The following THEMIS variants were observed in gnomAD, a reference collection of about 807,000 sequenced individuals.
THEMIS encodes protein THEMIS.
A neutral mutation model predicts 52.6 loss-of-function variants in THEMIS; 37 were observed. The observed-to-expected ratio is 0.70, with a 90% CI of 0.54 to 0.93. THEMIS has a LOEUF of 0.93. Among genes scored for constraint, THEMIS ranks in the 40% least tolerant of loss-of-function variants. The pLI, the probability that THEMIS is intolerant of heterozygous loss-of-function variation, is 0.00. For synonymous variants in THEMIS, 292 were observed against 272.7 expected, an observed-to-expected ratio of 1.07 and a Z score of -0.70; for missense variants, 808 against 763.1, an observed-to-expected ratio of 1.06 and a Z score of -0.69.
At chr6:127,834,113 T>C (rs1778792340) in intron 2 of THEMIS, among the ~76,000 whole-genome samples, 1 of 151,898 alleles carries the variant, frequency 6.6e-6, no homozygotes, top group East Asian at 1.9e-4. Flanking sequence ...AAATAAGCAA[T>C]GTGGGGGAAG....
chr6:127,881,371 T>G (rs187686515), intron 1 of THEMIS, among the ~76,000 whole-genome samples: 278 of 152,112 alleles, frequency 1.8e-3, no homozygotes, highest in Non-Finnish European at 3.0e-3. Context: ...AAAAATAAAA[T>G]TTTACTTAAT....
At chr6:127,811,066 C>A (rs1012507714) in intron 4 of THEMIS, among the ~76,000 whole-genome samples, 13 of 151,852 alleles carry the variant, frequency 8.6e-5, no homozygotes, top group Admixed American at 4.6e-4. Context: ...ACAAAAAAAA[C>A]CAACAACAAC....
At chr6:127,765,869 A>T (rs918189963) in intron 4 of THEMIS, among the ~76,000 whole-genome samples, 21 of 152,146 alleles carry the variant, frequency 1.4e-4, no homozygotes, top group Non-Finnish European at 2.5e-4. Flanking sequence ...TTGCCTAATG[A>T]TGCATTTCTC....
Position 127,819,090 on chromosome 6 carries a change from A to AGC in THEMIS, c.710-5161_710-5160dup, listed in dbSNP as rs539717767. Among the ~76,000 whole-genome samples, 10 of 126,442 alleles carry AGC rather than the reference A, an allele frequency of 7.9e-5. No homozygotes were observed. The South Asian group carries it at 2.9e-3, about 36-fold the overall frequency. 83.0% of individuals were successfully genotyped at this position (126,442 alleles called of 152,430 possible). On this transcript the variant is annotated intron_variant, in intron 3 of 5. Transcript: ENST00000368248. ...ACCCAAGATCATGCCACTGCACTCCAGCCTGGGTGAAAGAGTGAGACTCTG... is the reference window on the plus strand; with the variant it reads ...ACCCAAGATCATGCCACTGCACTCCAGCGCCTGGGTGAAAGAGTGAGACTCTG...
At chr6:127,774,261 A>G (rs1275721282) in intron 4 of THEMIS, among the ~76,000 whole-genome samples, 2 of 152,180 alleles carry the variant, frequency 1.3e-5, no homozygotes, top group South Asian at 4.1e-4. Flanking sequence ...GCTGGAGTGC[A>G]GTGGCGCCAT....
At chr6:127,844,742 C>T (rs1343849754) in intron 2 of THEMIS, among the ~76,000 whole-genome samples, 3 of 151,910 alleles carry the variant, frequency 2.0e-5, no homozygotes, top group East Asian at 1.9e-4. Context: ...TGGAACTTCA[C>T]TATAAACCAC....
At chr6:127,906,868 C>T (rs1781281924) in intron 1 of THEMIS, among the ~76,000 whole-genome samples, 1 of 151,704 alleles carries the variant, frequency 6.6e-6, no homozygotes. Context: ...TCAAAGCAAA[C>T]TTTACGTAAA....
intron 3 of THEMIS, among the ~76,000 whole-genome samples, chr6:127,820,008 A>C (rs1470109084): frequency 6.6e-6 from 1 of 152,174 alleles, no homozygotes; most frequent in Non-Finnish European, 1.5e-5. Context: ...TACTGTTTTA[A>C]GAGAGAGGAG....
rs929754572 is a variant in THEMIS at position 127,771,343 on chromosome 6, G to A, written c.1758+41540C>T. 1.2e-4 allele frequency among the ~76,000 whole-genome samples: 18 copies of A among 151,996 alleles called. 1 individual carries two copies. The highest frequency in any genetic ancestry group is 1.3e-4 in the Admixed American group (2 of 15,254). On this transcript the variant is annotated intron_variant, in intron 4 of 5. Transcript: ENST00000368248. Reference sequence around the variant, plus strand: ...CATGAAAATGGCCATACTGCTCAAGGTAATTTATAGATTCAATGCCATCCC... The same window carrying A: ...CATGAAAATGGCCATACTGCTCAAGATAATTTATAGATTCAATGCCATCCC...
intron 4 of THEMIS, among the ~76,000 whole-genome samples, chr6:127,733,355 A>G (rs1774876235): frequency 6.6e-6 from 1 of 152,234 alleles, no homozygotes; most frequent in East Asian, 1.9e-4. Flanking sequence ...GGTTGTTTTC[A>G]GTAATTCTAA....
chr6:127,813,384 C>A lies in THEMIS; in HGVS notation c.1257G>T (p.Lys419Asn). 1 of 1,613,494 alleles carries A rather than the reference C, an allele frequency of 6.2e-7. No individual in the cohort carries two copies. Among genetic ancestry groups the A allele is most frequent in the East Asian group, 2.2e-5 (1 of 44,890 alleles). The stretch of plus-strand genomic sequence containing the variant: ...AAGGGAGCAGCGCAGCCTCATAGGA[C>A]TTTTTGAGGATTTTTTCACAGGCCA... ...NVLACEKILK[K>N]SYEAALLPLY... Residue 419 changes from lysine (K) to asparagine (N), a missense_variant, in exon 4 of 6, where the codon AAG becomes AAT. Physicochemically the swap from Lys to Asn is moderately conservative, Grantham distance 94 (BLOSUM62 0). Coordinates refer to ENST00000368248, the MANE Select transcript of THEMIS (RefSeq NM_001010923.3).
At chr6:127,868,477 C>A (rs1051434469) in intron 1 of THEMIS, 2 of 985,394 alleles carry the variant, frequency 2.0e-6, no homozygotes, top group African/African-American at 3.5e-5. Context: ...CATTTCCCAA[C>A]CTTCCACAAA....
intron 4 of THEMIS, among the ~76,000 whole-genome samples, chr6:127,768,889 T>A (rs1293780484): frequency 6.6e-6 from 1 of 152,198 alleles, no homozygotes; most frequent in Non-Finnish European, 1.5e-5. Context: ...TAGCTCTTAG[T>A]GCACGTAATC....
At chr6:127,701,699 C>T in the THEMIS span, among the ~76,000 whole-genome samples, 2 of 152,014 alleles carry the variant, frequency 1.3e-5, no homozygotes, top group Non-Finnish European at 2.9e-5. Context: ...TTCTTCAAAA[C>T]GTTCATTTTT....
intron 4 of THEMIS, among the ~76,000 whole-genome samples, chr6:127,809,806 A>G (rs1777839219): frequency 6.6e-6 from 1 of 150,966 alleles, no homozygotes; most frequent in Non-Finnish European, 1.5e-5. Context: ...CTCTGCCACA[A>G]AGCAACTATT....
chr6:127,787,890 TAG>T (rs1236202632), intron 4 of THEMIS, among the ~76,000 whole-genome samples: 1 of 146,094 alleles, frequency 6.8e-6, no homozygotes, highest in Non-Finnish European at 1.5e-5. Flanking sequence ...TATAGATAGA[TAG>T]ATAGATAGAT....
chr6:127,703,433 G>A (rs906980748), downstream of THEMIS, among the ~76,000 whole-genome samples: 1 of 152,064 alleles, frequency 6.6e-6, no homozygotes, highest in East Asian at 1.9e-4. Flanking sequence ...CTTTAATAAG[G>A]GTATGAAGCA....
chr6:127,896,653 C>T lies in THEMIS; in HGVS notation c.91+4189G>A, dbSNP rs147292913. Among the ~76,000 whole-genome samples the T allele has an allele frequency of 3.6e-3, 545 of 151,418 alleles. 4 individuals carry two copies. The highest frequency in any genetic ancestry group is 0.013 in the African/African-American group (520 of 41,464). ...GTATGTGAAAATTCAAAGTGCTAAA[C>T]TTAAAGAGGAATAATAAATTGAGAG... On this transcript the variant is annotated intron_variant, in intron 1 of 5. Coordinates refer to ENST00000368248, the MANE Select transcript of THEMIS (RefSeq NM_001010923.3).
At chr6:127,707,509 T>C (rs1193638704), downstream of THEMIS, among the ~76,000 whole-genome samples, 4 of 152,138 alleles carry the variant, frequency 2.6e-5, no homozygotes, top group Non-Finnish European at 5.9e-5. Context: ...TTACAGGGTT[T>C]TTGCAATAAT....
Sources: allele counts gnomAD v4.1 joint callset (sites outside exome capture counted in the v4.1 genomes callset), GRCh38; gene constraint gnomAD v4.1.1; transcripts MANE v1.5; gene names NCBI Gene and HGNC (gene_info 2026-07-23, HGNC 2026-07-21).